TOPAZ1: variants seen among roughly 807,000 people sequenced by gnomAD.
The protein encoded by TOPAZ1 is testis and ovary specific TOPAZ 1.
A neutral mutation model predicts 172.2 loss-of-function variants in TOPAZ1; 66 were observed. The ratio of observed to expected loss-of-function variants is 0.38; its 90% CI spans 0.31 to 0.47. The LOEUF (loss-of-function observed/expected upper bound fraction) is 0.47. TOPAZ1 is among the 20% of genes least tolerant of loss of function. The probability of loss-of-function intolerance (pLI) is 0.99; values close to 1 mark genes in which losing one functional copy is unlikely to be tolerated. For missense variants in TOPAZ1, 1,822 were observed against 1,972.4 expected, an observed-to-expected ratio of 0.92 and a Z score of 1.44; for synonymous variants, 681 against 683.9, an observed-to-expected ratio of 1.00 and a Z score of 0.07.
intron 16 of TOPAZ1, among the ~76,000 whole-genome samples, chr3:44,320,021 T>C (rs940159283): frequency 1.3e-5 from 2 of 152,204 alleles, no homozygotes; most frequent in Non-Finnish European, 2.9e-5. Flanking sequence ...TGATAAAATA[T>C]TGACATTTCT....
chr3:44,281,332 C>T (rs577278803), intron 8 of TOPAZ1, among the ~76,000 whole-genome samples: 19 of 152,326 alleles, frequency 1.2e-4, no homozygotes, highest in African/African-American at 4.3e-4. Context: ...ATACCCACTG[C>T]AATGCTATGG....
intron 15 of TOPAZ1, among the ~76,000 whole-genome samples, chr3:44,306,781 G>A (rs1223256091): frequency 6.6e-6 from 1 of 152,080 alleles, no homozygotes; most frequent in Non-Finnish European, 1.5e-5. Flanking sequence ...GCCAGAGATT[G>A]CAAATGTTTT....
Position 44,244,101 on chromosome 3 carries a change from C to T in TOPAZ1, c.1595C>T (p.Pro532Leu), listed in dbSNP as rs34196405. The T allele has an allele frequency of 9.7e-6, 15 of 1,551,502 alleles. No individual in the cohort carries two copies. In the African/African-American group the frequency reaches 1.9e-4, roughly 20 times the overall value. ...GAAAGTTGTAGGCAAGTTGATGTCCCTAAACACCAAACAAACCAGACCCAT... is the reference window on the plus strand; with the variant it reads ...GAAAGTTGTAGGCAAGTTGATGTCCTTAAACACCAAACAAACCAGACCCAT... ...SQESCRQVDV[P>L]KHQTNQTHLT... The change falls in exon 2 of 20, where the codon CCT becomes CTT. Residue 532 changes from proline (P) to leucine (L), a missense_variant. Around this residue, in one of 2 missense-constraint regions of TOPAZ1, gnomAD observed 1,489 missense variants for 1,490.8 expected, o/e 1.00. Coordinates refer to ENST00000309765, the MANE Select transcript of TOPAZ1 (RefSeq NM_001145030.2).
intron 19 of TOPAZ1, among the ~76,000 whole-genome samples, chr3:44,331,541 G>A (rs1700668830): frequency 6.6e-6 from 1 of 152,138 alleles, no homozygotes. Context: ...TGCTCAGGCT[G>A]ATCTTGAACT....
intron 2 of TOPAZ1, among the ~76,000 whole-genome samples, chr3:44,250,941 G>A (rs1262399948): frequency 2.6e-5 from 4 of 152,142 alleles, no homozygotes; most frequent in Non-Finnish European, 5.9e-5. Context: ...CCCCTGCCTT[G>A]ATGAATTGGA....
In TOPAZ1 at chr3:44,245,253, A is replaced by G. The variant is rs1165446542; in HGVS notation, c.2747A>G (p.Glu916Gly). ...SKYMETPVKKEPSDDLRELPV... is the reference protein window; with the variant it reads ...SKYMETPVKKGPSDDLRELPV... ...TACATGGAAACTCCAGTAAAAAAAG[A>G]ACCAAGTGATGACTTAAGGTATGCA... The change falls in exon 2 of 20, where the codon GAA (glutamate) becomes GGA (glycine). Residue 916 changes from glutamate (E) to glycine (G), a missense_variant. Glu to Gly is a moderately conservative substitution (Grantham distance 98). This residue lies in a region of TOPAZ1 where 1,489 missense variants were observed against 1,490.8 expected (regional missense o/e 1.00). Transcript: ENST00000309765. 1 of 1,539,754 alleles carries G rather than the reference A, an allele frequency of 6.5e-7. No individual in the cohort carries two copies. The highest frequency in any genetic ancestry group is 8.7e-7 in the Non-Finnish European group (1 of 1,143,186).
intron 12 of TOPAZ1, among the ~76,000 whole-genome samples, chr3:44,296,858 A>G (rs1242782962): frequency 3.3e-5 from 4 of 122,046 alleles, no homozygotes; most frequent in Non-Finnish European, 6.6e-5. Context: ...AAAAAAAAAA[A>G]AAAAAAGAAA....
intron 9 of TOPAZ1, 64 bp downstream of exon 9, chr3:44,282,095 T>A: frequency 9.0e-7 from 1 of 1,114,814 alleles, no homozygotes; most frequent in Non-Finnish European, 1.3e-6. Context: ...AGTTTAAAAG[T>A]AAATTCAATA....
intron 6 of TOPAZ1, among the ~76,000 whole-genome samples, chr3:44,268,396 CAG>C (rs1212419645): frequency 2.3e-4 from 25 of 106,430 alleles, no homozygotes; most frequent in African/African-American, 9.1e-4. Context: ...TTTTTTTAGA[CAG>C]AGTCTCACTC....
rs143305823 is a variant in TOPAZ1 at position 44,252,306 on chromosome 3, A to G, written c.2766-2662A>G. Among the ~76,000 whole-genome samples the G allele has an allele frequency of 2.3e-3, 349 of 152,224 alleles. 1 individual carries two copies. The highest frequency in any genetic ancestry group is 7.7e-3 in the African/African-American group (321 of 41,544). On this transcript the variant is annotated intron_variant, in intron 2 of 19. Coordinates refer to ENST00000309765, the MANE Select transcript of TOPAZ1 (RefSeq NM_001145030.2). ...ATGGCTGTTCCTTCCTCTAAATTCT[A>G]TGTTCTTATTTTTCTCCTAAATTAT...
rs761813345 is a variant in TOPAZ1 at position 44,242,146 on chromosome 3, C to T, written c.93C>T (p.Gly31=). ...AGAAGCGGCAGGCGCCAGGGCCAGG[C>T]GCGGCGGGAGGCTGTGGCCCTGAGG... The part of the protein sequence containing the change: ...NLQKRQAPGP[G]AAGGCGPEAG... The change falls in exon 1 of 20, where the codon GGC becomes GGT. Residue 31 remains glycine, a synonymous_variant. Coordinates refer to ENST00000309765, the MANE Select transcript of TOPAZ1 (RefSeq NM_001145030.2). 2.6e-6 allele frequency: 4 copies of T among 1,548,524 alleles called. No individual in the cohort carries two copies. Among genetic ancestry groups the T allele is most frequent in the South Asian group, 1.2e-5 (1 of 83,910 alleles).
chr3:44,244,017 C>T lies in TOPAZ1; in HGVS notation c.1511C>T (p.Ala504Val). ...WPYYSCARIS[A>V]WCWKKASLPE... Reference sequence around the variant, plus strand: ...TATTATTCATGTGCTAGAATATCTGCCTGGTGTTGGAAAAAGGCTTCCTTG... The same window carrying T: ...TATTATTCATGTGCTAGAATATCTGTCTGGTGTTGGAAAAAGGCTTCCTTG... Residue 504 changes from alanine to valine, a missense_variant, in exon 2 of 20, where the codon GCC (alanine) becomes GTC (valine). By Grantham distance (64) the Ala-to-Val change is moderately conservative. Around this residue, in one of 2 missense-constraint regions of TOPAZ1, gnomAD observed 1,489 missense variants for 1,490.8 expected, o/e 1.00. Coordinates refer to ENST00000309765, the MANE Select transcript of TOPAZ1 (RefSeq NM_001145030.2). The T allele has an allele frequency of 1.9e-6, 3 of 1,552,072 alleles. No individual in the cohort carries two copies. The highest frequency in any genetic ancestry group is 2.6e-6 in the Non-Finnish European group (3 of 1,147,058).
intron 11 of TOPAZ1, among the ~76,000 whole-genome samples, chr3:44,289,999 A>G (rs1475777730): frequency 3.3e-5 from 5 of 152,180 alleles, no homozygotes; most frequent in African/African-American, 1.2e-4. Context: ...ATCCTTGTCC[A>G]GGGTAGCTAG....
chr3:44,245,797 C>T (rs1464637489), intron 2 of TOPAZ1, among the ~76,000 whole-genome samples: 1 of 152,086 alleles, frequency 6.6e-6, no homozygotes, highest in Non-Finnish European at 1.5e-5. Flanking sequence ...CCTCAGCCTC[C>T]CAAAGTGCTG....
At position 44,242,935 on chromosome 3, in the gene TOPAZ1, C is replaced by T. The variant is rs771129891; in HGVS notation, c.429C>T (p.Thr143=). 3.6e-4 allele frequency: 555 copies of T among 1,549,464 alleles called. 1 individual carries two copies. Among genetic ancestry groups the T allele is most frequent in the Non-Finnish European group, 4.5e-4 (515 of 1,146,438 alleles). The change falls in exon 2 of 20, where the codon ACC becomes ACT. Residue 143 remains threonine, a synonymous_variant. Transcript: ENST00000309765. ...ACTTGGTAAGAAAGGAATCATTAAC[C>T]AGTTCGGAATCTTTCCAAACAGTGG... ...GLDLVRKESL[T]SSESFQTVEC... is the part of the protein sequence containing the mutation.
At chr3:44,290,431 A>T (rs113335172) in intron 11 of TOPAZ1, among the ~76,000 whole-genome samples, 3,178 of 152,286 alleles carry the variant, frequency 0.021, 120 homozygotes, top group African/African-American at 0.071. Context: ...AGGCACAGGA[A>T]CAATACTTCT....
chr3:44,278,631 T>C (rs1275287989), intron 8 of TOPAZ1, among the ~76,000 whole-genome samples: 3 of 152,154 alleles, frequency 2.0e-5, no homozygotes, highest in Non-Finnish European at 4.4e-5. Context: ...TCATGTATAG[T>C]TAGTTGTTCA....
intron 15 of TOPAZ1, among the ~76,000 whole-genome samples, chr3:44,309,202 T>C (rs544099440): frequency 1.1e-4 from 17 of 152,348 alleles, no homozygotes; most frequent in African/African-American, 3.6e-4. Context: ...GTAATTTTCA[T>C]GTAGAATACA....
At chr3:44,298,979 G>A (rs1416587475) in intron 12 of TOPAZ1, among the ~76,000 whole-genome samples, 2 of 128,460 alleles carry the variant, frequency 1.6e-5, no homozygotes, top group Non-Finnish European at 3.2e-5. Context: ...CTGGAGTGCA[G>A]TGGCACAATC....
Sources: gnomAD v4.1 joint callset for allele counts (sites outside exome capture counted in the v4.1 genomes callset) on GRCh38, gnomAD v4.1.1 for gene constraint, gnomAD v4.1.1 regional missense constraint, MANE v1.5 for transcripts, NCBI Gene and HGNC (gene_info 2026-07-23, HGNC 2026-07-21) for gene names.